RBKS: variants seen among roughly 807,000 people sequenced by gnomAD.
RBKS encodes ribokinase.
RBKS carries 33 observed loss-of-function variants against 33.9 expected under a neutral mutation model. The ratio of observed to expected loss-of-function variants is 0.97; its 90% CI spans 0.74 to 1.30. RBKS has a LOEUF of 1.30. RBKS is among the 50% of genes most tolerant of loss of function. The probability of loss-of-function intolerance (pLI) is 0.00; values close to 1 mark genes in which losing one functional copy is unlikely to be tolerated. For synonymous variants in RBKS, 125 were observed against 143.0 expected, an observed-to-expected ratio of 0.87 and a Z score of 0.90; for missense variants, 361 against 392.6, an observed-to-expected ratio of 0.92 and a Z score of 0.68.
At chr2:27,782,771 T>G in intron 7 of RBKS, 1 of 308,484 alleles carries the variant, frequency 3.2e-6, no homozygotes, top group South Asian at 2.8e-5. Flanking sequence ...TTTCTTTAAT[T>G]TTAATTTTTT....
chr2:27,858,447 C>A lies in RBKS; in HGVS notation c.214G>T (p.Val72Leu). The A allele has an allele frequency of 1.2e-6, 2 of 1,613,498 alleles. No homozygotes were observed. The highest frequency in any genetic ancestry group is 1.7e-6 in the Non-Finnish European group (2 of 1,179,800). Residue 72 changes from valine (V) to leucine (L), a missense_variant, in exon 2 of 8, where the codon GTG becomes TTG. By Grantham distance (32) the Val-to-Leu change is conservative. Coordinates refer to ENST00000302188, the MANE Select transcript of RBKS (RefSeq NM_022128.3). ...CTATACTTTGTACTTACCTTACACA[C>A]CATGGACGTCATTGCTCCAAGCCGA... ...AARLGAMTSMVCKVGKDSFGN... is the reference protein window; with the variant it reads ...AARLGAMTSMLCKVGKDSFGN...
At chr2:27,871,513 C>G (rs6734713) in intron 1 of RBKS, among the ~76,000 whole-genome samples, 4,884 of 152,198 alleles carry the variant, frequency 0.032, 281 homozygotes, top group African/African-American at 0.11. Context: ...GTCTTTCCCC[C>G]CTTTTCAAAG....
chr2:27,833,876 A>G (rs1678469258), intron 5 of RBKS, among the ~76,000 whole-genome samples: 1 of 152,204 alleles, frequency 6.6e-6, no homozygotes, highest in Admixed American at 6.5e-5. Flanking sequence ...AGGTCCACTG[A>G]CTTGCGTGTT....
intron 7 of RBKS, among the ~76,000 whole-genome samples, chr2:27,804,342 G>T (rs948917697): frequency 6.6e-6 from 1 of 152,116 alleles, no homozygotes; most frequent in African/African-American, 2.4e-5. Flanking sequence ...TCCCTTGAAA[G>T]AAACCTCATA....
intron 7 of RBKS, among the ~76,000 whole-genome samples, chr2:27,803,476 TC>T (rs1677837104): frequency 6.6e-6 from 1 of 151,294 alleles, no homozygotes; most frequent in South Asian, 2.1e-4. Flanking sequence ...GGCGGAAGGA[TC>T]AGTTGAGGCC....
At chr2:27,828,564 GC>G (rs1053399513) in intron 6 of RBKS, among the ~76,000 whole-genome samples, 2 of 152,166 alleles carry the variant, frequency 1.3e-5, no homozygotes, top group Non-Finnish European at 2.9e-5. Flanking sequence ...AAAACGCAAT[GC>G]CCTGGCATTC....
At position 27,837,455 on chromosome 2, in the gene RBKS, AC is replaced by A. The variant is rs1260158003; in HGVS notation, c.515-4679del. 6.6e-5 allele frequency among the ~76,000 whole-genome samples: 10 copies of A among 152,166 alleles called. No homozygotes were observed. The highest frequency in any genetic ancestry group is 1.3e-4 in the Non-Finnish European group (9 of 68,032). On this transcript the variant is annotated intron_variant, in intron 5 of 7. Transcript: ENST00000302188. This position sits in a 1 kb window ranked among gnomAD's most constrained non-coding sequence, Gnocchi z 4.0. ...GAACTTAAAATAGACCTACCATTTG[AC>A]CCAGCAATCCTATGCCTGGTACACA...
chr2:27,801,150 C>T (rs182735803), intron 7 of RBKS, among the ~76,000 whole-genome samples: 2 of 152,274 alleles, frequency 1.3e-5, no homozygotes, highest in African/African-American at 2.4e-5. Flanking sequence ...GAGGACGGGG[C>T]AGGCAGGCTG....
At chr2:27,823,130 G>A (rs772604196) in intron 7 of RBKS, among the ~76,000 whole-genome samples, 18 of 152,256 alleles carry the variant, frequency 1.2e-4, no homozygotes, top group Middle Eastern at 3.4e-3. Flanking sequence ...AGAAGAGAGG[G>A]CGGACATGCA....
intron 1 of RBKS, among the ~76,000 whole-genome samples, chr2:27,879,703 A>G (rs1397423909): frequency 6.6e-6 from 1 of 152,208 alleles, no homozygotes; most frequent in African/African-American, 2.4e-5. Flanking sequence ...AGAGAATATT[A>G]TAAACACCTC....
intron 5 of RBKS, among the ~76,000 whole-genome samples, chr2:27,841,128 G>A (rs769928569): frequency 2.0e-5 from 3 of 152,068 alleles, no homozygotes; most frequent in African/African-American, 4.8e-5. Context: ...AGAGCTACAC[G>A]GAAGGTGATG....
At chr2:27,812,504 A>G (rs1678005269) in intron 7 of RBKS, among the ~76,000 whole-genome samples, 1 of 152,258 alleles carries the variant, frequency 6.6e-6, no homozygotes, top group African/African-American at 2.4e-5. Context: ...TGTGGCACAT[A>G]TATACCATGG....
Position 27,795,861 on chromosome 2 carries a change from C to T in RBKS, c.796-14073G>A, listed in dbSNP as rs1421634427. Among the ~76,000 whole-genome samples, 3 of 152,168 alleles carry T rather than the reference C, an allele frequency of 2.0e-5. No homozygotes were observed. Among genetic ancestry groups the T allele is most frequent in the Non-Finnish European group, 4.4e-5 (3 of 68,026 alleles). ...AGGACTCTGAGTTCATTGTGCTGAA[C>T]GTTTTCTGTACAAGCCTTCGCTCTG... On this transcript the variant is annotated intron_variant, in intron 7 of 7. Coordinates refer to ENST00000302188, the MANE Select transcript of RBKS (RefSeq NM_022128.3). This position sits in a 1 kb window ranked among gnomAD's most constrained non-coding sequence, Gnocchi z 4.1.
intron 7 of RBKS, among the ~76,000 whole-genome samples, chr2:27,818,633 G>C (rs1441214854): frequency 6.6e-6 from 1 of 152,214 alleles, no homozygotes; most frequent in Admixed American, 6.5e-5. Flanking sequence ...AGGTTGTTCT[G>C]AGAATGTGAA....
chr2:27,872,774 G>A (rs1377560148), intron 1 of RBKS, among the ~76,000 whole-genome samples: 4 of 152,104 alleles, frequency 2.6e-5, no homozygotes, highest in Non-Finnish European at 5.9e-5. Flanking sequence ...TAAGCAAAAC[G>A]TCAAGCAGAC....
chr2:27,822,746 T>C (rs961562068), intron 7 of RBKS, among the ~76,000 whole-genome samples: 2 of 151,998 alleles, frequency 1.3e-5, no homozygotes, highest in South Asian at 2.1e-4. Flanking sequence ...ATGTGAAGGA[T>C]AGAAAGAAAG....
chr2:27,812,257 G>A, intron 7 of RBKS, among the ~76,000 whole-genome samples: 1 of 152,256 alleles, frequency 6.6e-6, no homozygotes, highest in East Asian at 1.9e-4. Context: ...TTACACTGTT[G>A]GTGGGACTGT....
intron 7 of RBKS, among the ~76,000 whole-genome samples, chr2:27,790,068 G>A (rs72853235): frequency 0.058 from 8,761 of 150,454 alleles, 871 homozygotes; most frequent in African/African-American, 0.2. Context: ...AGGCTCAAGG[G>A]ATCTACCTGC....
chr2:27,789,771 G>C (rs1204938104), intron 7 of RBKS, among the ~76,000 whole-genome samples: 1 of 150,738 alleles, frequency 6.6e-6, no homozygotes, highest in Non-Finnish European at 1.5e-5. Context: ...CACCATATTG[G>C]CCAGCCTGAT....
Sources: allele counts gnomAD v4.1 joint callset (sites outside exome capture counted in the v4.1 genomes callset), GRCh38; gene constraint gnomAD v4.1.1; non-coding constraint Gnocchi (gnomAD v3.1); transcripts MANE v1.5; gene names NCBI Gene and HGNC (gene_info 2026-07-23, HGNC 2026-07-21).